The following CD226 variants were observed in gnomAD, a reference collection of about 807,000 sequenced individuals.
CD226 encodes CD226 antigen.
CD226 carries 24 observed loss-of-function variants against 34.9 expected under a neutral mutation model. The ratio of observed to expected loss-of-function variants is 0.69; its 90% CI spans 0.50 to 0.97. CD226 has a LOEUF of 0.97. Ranked by LOEUF, CD226 falls within the 50% of genes least tolerant of loss-of-function variation. The pLI is 0.00. For synonymous variants in CD226, 148 were observed against 147.4 expected (o/e 1.00, Z -0.03); for missense variants, 397 against 412.7 (o/e 0.96, Z 0.33).
In CD226 at chr18:69,879,723, G is replaced by C. The variant is rs545122457; in HGVS notation, c.728-6477C>G. 1.6e-4 allele frequency among the ~76,000 whole-genome samples: 24 copies of C among 152,314 alleles called. No individual in the cohort carries two copies. In the South Asian group the frequency reaches 3.9e-3, roughly 25 times the overall value. ...AGAGATTAAAGTAAAGACAAGCATA[G>C]GAAATCACAAGAGTATTGACTGGGG... is the stretch of plus-strand genomic sequence containing the variant. On this transcript the variant is annotated intron_variant, in intron 3 of 5. Transcript: ENST00000582621.
intron 3 of CD226, among the ~76,000 whole-genome samples, chr18:69,881,929 C>T (rs956045849): frequency 1.3e-5 from 2 of 152,108 alleles, no homozygotes; most frequent in African/African-American, 4.8e-5. Context: ...TTTCTTTGTC[C>T]AGATAAATCA....
At chr18:69,951,912 T>C (rs548452261), upstream of CD226, among the ~76,000 whole-genome samples, 1 of 152,332 alleles carries the variant, frequency 6.6e-6, no homozygotes, top group South Asian at 2.1e-4. Flanking sequence ...GATCCGGCAG[T>C]CTCACTACAG....
chr18:69,932,974 T>C (rs2055606502), intron 2 of CD226, among the ~76,000 whole-genome samples: 1 of 152,146 alleles, frequency 6.6e-6, no homozygotes, highest in Non-Finnish European at 1.5e-5. Context: ...ATTTATAGAA[T>C]TAAAGAGCGG....
rs188880212 is a variant in CD226, at chr18:69,869,306, T to C, written c.831-1895A>G. Among the ~76,000 whole-genome samples the C allele has an allele frequency of 6.2e-3, 947 of 152,310 alleles. 12 individuals are homozygous for C. Among genetic ancestry groups the C allele is most frequent in the African/African-American group, 0.021 (891 of 41,556 alleles). On this transcript the variant is annotated intron_variant, in intron 4 of 5. Coordinates refer to ENST00000582621, the MANE Select transcript of CD226 (RefSeq NM_001303618.2). ...AAGAAAATGTGGTACACATATACCA[T>C]AGAACACTATACAGCCACAGAAAGA...
At chr18:69,913,648 C>T (rs1379115956) in intron 2 of CD226, among the ~76,000 whole-genome samples, 3 of 152,054 alleles carry the variant, frequency 2.0e-5, no homozygotes, top group Non-Finnish European at 2.9e-5. Flanking sequence ...AAATTACAAG[C>T]GTGGGGTAAG....
At chr18:69,949,948 G>A (rs1013541969), upstream of CD226, among the ~76,000 whole-genome samples, 1 of 151,718 alleles carries the variant, frequency 6.6e-6, no homozygotes, top group African/African-American at 2.4e-5. Flanking sequence ...ACACACGCAT[G>A]CACTTACACA....
intron 3 of CD226, among the ~76,000 whole-genome samples, chr18:69,880,272 GAGGGA>G (rs141556825): frequency 0.044 from 6,419 of 145,998 alleles, 448 homozygotes; most frequent in African/African-American, 0.14. Flanking sequence ...GAAGGAAGGG[GAGGGA>G]AGGGAAGGGA....
intron 2 of CD226, among the ~76,000 whole-genome samples, chr18:69,904,944 G>A (rs1037338917): frequency 5.9e-5 from 9 of 152,196 alleles, no homozygotes; most frequent in African/African-American, 1.7e-4. Flanking sequence ...GGTCCCTGGA[G>A]ACTACATTAA....
intron 2 of CD226, among the ~76,000 whole-genome samples, chr18:69,939,404 A>C (rs1350334292): frequency 6.6e-6 from 1 of 152,222 alleles, no homozygotes; most frequent in Non-Finnish European, 1.5e-5. Flanking sequence ...CACAAAGTTC[A>C]TGAGCTTCAT....
At chr18:69,893,470 T>C (rs957032592) in intron 3 of CD226, among the ~76,000 whole-genome samples, 22 of 152,370 alleles carry the variant, frequency 1.4e-4, no homozygotes, top group African/African-American at 4.8e-4. Context: ...ATGTTTACAA[T>C]TACTTTTTCA....
At chr18:69,933,337 A>G (rs541853979) in intron 2 of CD226, among the ~76,000 whole-genome samples, 214 of 152,272 alleles carry the variant, frequency 1.4e-3, no homozygotes, top group African/African-American at 5.0e-3. Flanking sequence ...TTTGTTTTTC[A>G]TGTGCCTCAA....
chr18:69,892,692 A>G (rs764249505), intron 3 of CD226, among the ~76,000 whole-genome samples: 9 of 152,080 alleles, frequency 5.9e-5, no homozygotes, highest in Non-Finnish European at 1.0e-4. Flanking sequence ...CTGTTGAGTG[A>G]CCTGGTACTT....
intron 3 of CD226, among the ~76,000 whole-genome samples, chr18:69,889,543 G>A (rs2145226723): frequency 6.6e-6 from 1 of 151,342 alleles, no homozygotes; most frequent in African/African-American, 2.4e-5. Flanking sequence ...GAATCCAAAT[G>A]GACTGGGAGC....
intron 2 of CD226, among the ~76,000 whole-genome samples, chr18:69,911,951 G>C (rs76912466): frequency 6.6e-6 from 1 of 152,004 alleles, no homozygotes; most frequent in Admixed American, 6.6e-5. Context: ...TTAACTTTTT[G>C]TTCAGCTGAA....
Position 69,947,426 on chromosome 18 carries a change from G to T in CD226, c.-20C>A. On this transcript the variant is annotated 5_prime_UTR_variant, in exon 1 of 6. Transcript: ENST00000582621. ...ATCCATCTCTGGAAACTGTTTGAAA[G>T]GCTGGTTCTATTAAAAAAAAAAATT... 1 of 1,542,778 alleles carries T rather than the reference G, an allele frequency of 6.5e-7. No individual in the cohort carries two copies.
rs1373053902 is a variant in CD226 at position 69,867,390 on chromosome 18, T to C, written c.852A>G (p.Arg284=). 6.3e-7 allele frequency: 1 copy of C among 1,586,304 alleles called. No homozygotes were observed. Among genetic ancestry groups the C allele is most frequent in the Admixed American group, 1.7e-5 (1 of 59,984 alleles). ...FLNRRRRRER[R]DLFTESWDTQ... Reference sequence around the variant, plus strand: ...TATCCCAGGACTCTGTAAATAGATCTCTTCTCTCTCTCCTTCTCCTTCTGG... The same window carrying C: ...TATCCCAGGACTCTGTAAATAGATCCCTTCTCTCTCTCCTTCTCCTTCTGG... The change falls in exon 5 of 6, where the codon AGA becomes AGG. Residue 284 remains arginine, a synonymous_variant. Coordinates refer to ENST00000582621, the MANE Select transcript of CD226 (RefSeq NM_001303618.2).
chr18:69,861,954 C>T lies in CD226; in HGVS notation c.*2360G>A, dbSNP rs1003919129. 5.9e-5 allele frequency: 9 copies of T among 152,032 alleles called. No individual in the cohort carries two copies. The highest frequency in any genetic ancestry group is 3.9e-4 in the Admixed American group (6 of 15,260). The allele number at this position is 152,032 out of a possible 1,614,324, so 9.4% of individuals were successfully genotyped here. On this transcript the variant is annotated 3_prime_UTR_variant, in exon 6 of 6. Coordinates refer to ENST00000582621, the MANE Select transcript of CD226 (RefSeq NM_001303618.2). Reference sequence around the variant, plus strand: ...ATGGCTCCAAATTCCTGAAAAAACCCTACACTCTGTAGAGGAAGAATATAT... The same window carrying T: ...ATGGCTCCAAATTCCTGAAAAAACCTTACACTCTGTAGAGGAAGAATATAT...
At chr18:69,932,153 A>G (rs1484023523) in intron 2 of CD226, among the ~76,000 whole-genome samples, 1 of 152,132 alleles carries the variant, frequency 6.6e-6, no homozygotes, top group Admixed American at 6.5e-5. Context: ...AACTTCACCA[A>G]ATAAACTTGG....
rs1164258983 is a variant in CD226 at position 69,858,760 on chromosome 18, C to T, written c.*5554G>A. 6.7e-5 allele frequency: 7 copies of T among 104,238 alleles called. No homozygotes were observed. Among genetic ancestry groups the T allele is most frequent in the South Asian group, 7.0e-4 (2 of 2,846 alleles). 6.5% of individuals were successfully genotyped at this position (104,238 alleles called of 1,614,324 possible). ...TTTTTTTTTTTTTGAGACGGAGTCTCGCTCTGTTGCCCAGGGTGGAGTGCA... is the reference window on the plus strand; with the variant it reads ...TTTTTTTTTTTTTGAGACGGAGTCTTGCTCTGTTGCCCAGGGTGGAGTGCA... On this transcript the variant is annotated 3_prime_UTR_variant, in exon 6 of 6. Coordinates refer to ENST00000582621, the MANE Select transcript of CD226 (RefSeq NM_001303618.2).
Sources: gnomAD v4.1 joint callset for allele counts (sites outside exome capture counted in the v4.1 genomes callset) on GRCh38, gnomAD v4.1.1 for gene constraint, MANE v1.5 for transcripts, NCBI Gene and HGNC (gene_info 2026-07-23, HGNC 2026-07-21) for gene names.